ELAVL1: variants seen among roughly 807,000 people sequenced by gnomAD.
ELAVL1 encodes the protein ELAV-like protein 1.
ELAVL1 carries 1 observed loss-of-function variant against 28.4 expected under a neutral mutation model. The ratio of observed to expected loss-of-function variants is 0.04; its 90% CI spans 0.01 to 0.17. The LOEUF is 0.17. ELAVL1 is among the 10% of genes least tolerant of loss of function. The pLI is 1.00. For synonymous variants in ELAVL1, 174 were observed against 183.5 expected (o/e 0.95, Z 0.42); for missense variants, 157 against 447.2 (o/e 0.35, Z 5.85).
At chr19:7,997,924 G>A (rs1043036847) in intron 1 of ELAVL1, among the ~76,000 whole-genome samples, 4 of 152,016 alleles carry the variant, frequency 2.6e-5, no homozygotes, top group South Asian at 2.1e-4. Flanking sequence ...GCAGTCCAGC[G>A]TGGGCGACAG....
At chr19:7,974,444 GA>G (rs775560305) in intron 3 of ELAVL1, among the ~76,000 whole-genome samples, 3 of 152,236 alleles carry the variant, frequency 2.0e-5, no homozygotes, top group Non-Finnish European at 4.4e-5. Flanking sequence ...GAAAACTGAA[GA>G]GAACCTTCTG....
chr19:8,002,823 G>A (rs1054070232), intron 1 of ELAVL1, among the ~76,000 whole-genome samples: 1 of 152,082 alleles, frequency 6.6e-6, no homozygotes, highest in Non-Finnish European at 1.5e-5. Flanking sequence ...TGGGGTCTAC[G>A]TGCAGGGGCG....
At chr19:7,993,032 G>A (rs752114421) in intron 1 of ELAVL1, among the ~76,000 whole-genome samples, 18 of 152,196 alleles carry the variant, frequency 1.2e-4, no homozygotes, top group Non-Finnish European at 1.6e-4. Flanking sequence ...CCCTCCCAAA[G>A]TGCTAGGATT....
chr19:7,970,036 G>A (rs1000573164), intron 4 of ELAVL1, among the ~76,000 whole-genome samples: 7 of 151,502 alleles, frequency 4.6e-5, no homozygotes, highest in Non-Finnish European at 8.8e-5. Context: ...ACAATGGCAC[G>A]ATCTCAGCTC....
chr19:8,002,454 G>T (rs546754652), intron 1 of ELAVL1, among the ~76,000 whole-genome samples: 18 of 152,248 alleles, frequency 1.2e-4, no homozygotes, highest in African/African-American at 3.9e-4. Flanking sequence ...AGCAGGGAGA[G>T]TCGTTCAGAG....
intron 1 of ELAVL1, among the ~76,000 whole-genome samples, chr19:8,001,598 C>T (rs941001739): frequency 6.6e-6 from 1 of 152,036 alleles, no homozygotes; most frequent in Admixed American, 6.6e-5. Flanking sequence ...TCCTGTGATT[C>T]CTTCCCCTGA....
chr19:7,964,067 C>T (rs544267560), intron 5 of ELAVL1, among the ~76,000 whole-genome samples: 8 of 152,146 alleles, frequency 5.3e-5, no homozygotes, highest in Non-Finnish European at 1.0e-4. Flanking sequence ...CTGTGTATGT[C>T]GGGGTTTCTG....
At chr19:7,976,007 C>T (rs546376857) in intron 3 of ELAVL1, among the ~76,000 whole-genome samples, 1 of 148,610 alleles carries the variant, frequency 6.7e-6, no homozygotes, top group Non-Finnish European at 1.5e-5. Context: ...GTAGGAGGAT[C>T]ACCTGAGCTC....
chr19:7,991,290 C>T (rs1435021384), intron 2 of ELAVL1, among the ~76,000 whole-genome samples: 1 of 152,180 alleles, frequency 6.6e-6, no homozygotes, highest in Non-Finnish European at 1.5e-5. Context: ...GCCAGGGTCC[C>T]TTCCACACGT....
chr19:7,971,295 G>A (rs575781035), intron 4 of ELAVL1, among the ~76,000 whole-genome samples: 38 of 152,334 alleles, frequency 2.5e-4, no homozygotes, highest in African/African-American at 9.1e-4. Flanking sequence ...CATGTTCTCA[G>A]GCATTGGGGG....
chr19:7,964,554 G>A (rs887183451), intron 5 of ELAVL1, among the ~76,000 whole-genome samples: 1 of 152,036 alleles, frequency 6.6e-6, no homozygotes, highest in Non-Finnish European at 1.5e-5. Context: ...GCCTTTCTGG[G>A]CCAGGCATGG....
At chr19:7,966,040 C>T (rs1468533623) in intron 5 of ELAVL1, among the ~76,000 whole-genome samples, 1 of 152,164 alleles carries the variant, frequency 6.6e-6, no homozygotes. Flanking sequence ...CCCAGCTTCA[C>T]TGTTAAAACA....
At chr19:8,002,920 G>A (rs967295375) in intron 1 of ELAVL1, among the ~76,000 whole-genome samples, 2 of 152,124 alleles carry the variant, frequency 1.3e-5, no homozygotes, top group African/African-American at 2.4e-5. Flanking sequence ...TCAAGAAAAC[G>A]TGTCTTTTTT....
chr19:7,997,514 G>A (rs937984986), intron 1 of ELAVL1, among the ~76,000 whole-genome samples: 4 of 152,204 alleles, frequency 2.6e-5, no homozygotes, highest in African/African-American at 9.6e-5. Context: ...ACAGGGACAG[G>A]AGGAGGGAGT....
At chr19:7,978,018 C>T (rs907857765) in intron 3 of ELAVL1, among the ~76,000 whole-genome samples, 6 of 152,248 alleles carry the variant, frequency 3.9e-5, no homozygotes, top group East Asian at 1.9e-4. Flanking sequence ...TTGAGGGAGC[C>T]TCCTCTGGCA....
At chr19:7,964,616 C>G (rs1286496824) in intron 5 of ELAVL1, among the ~76,000 whole-genome samples, 1 of 152,132 alleles carries the variant, frequency 6.6e-6, no homozygotes, top group East Asian at 1.9e-4. Flanking sequence ...GGGAGGATCA[C>G]TTGAGGCCAG....
At position 7,967,768 on chromosome 19, in the gene ELAVL1, A is replaced by G. The variant is rs1984994533; in HGVS notation, c.453T>C (p.Phe151=). 1 of 1,614,124 alleles carries G rather than the reference A, an allele frequency of 6.2e-7. No individual in the cohort carries two copies. ...QTTGLSRGVA[F]IRFDKRSEAE... ...CCTCCGACCGTTTGTCAAACCGGAT[A>G]AACGCAACCCCTCTGGACAAACCTT... Residue 151 remains phenylalanine, a synonymous_variant, in exon 5 of 6, where the codon TTT becomes TTC. Transcript: ENST00000407627.
At chr19:7,993,711 G>A (rs552698334) in intron 1 of ELAVL1, among the ~76,000 whole-genome samples, 2 of 151,934 alleles carry the variant, frequency 1.3e-5, no homozygotes, top group African/African-American at 2.4e-5. Context: ...ATGGCCACCC[G>A]CCTGGAGGTC....
intron 4 of ELAVL1, among the ~76,000 whole-genome samples, chr19:7,971,777 C>T (rs547282156): frequency 3.3e-5 from 5 of 152,346 alleles, no homozygotes; most frequent in East Asian, 3.9e-4. Flanking sequence ...CGGGCCCCAG[C>T]GGGAACGAAG....
Sources: allele counts gnomAD v4.1 joint callset (sites outside exome capture counted in the v4.1 genomes callset), GRCh38; gene constraint gnomAD v4.1.1; transcripts MANE v1.5; gene names NCBI Gene and HGNC (gene_info 2026-07-23, HGNC 2026-07-21).